Variants in MVB12B observed in about 807,000 individuals in gnomAD.
MVB12B encodes multivesicular body subunit 12B.
A neutral mutation model predicts 41.6 loss-of-function variants in MVB12B; 16 were observed. The observed-to-expected ratio is 0.38, with a 90% confidence interval of 0.26 to 0.58. MVB12B has a LOEUF of 0.58. Among genes scored for constraint, MVB12B ranks in the 20% least tolerant of loss-of-function variants. The pLI is 0.62. For synonymous variants in MVB12B, 133 were observed against 139.7 expected (o/e 0.95, Z 0.34); for missense variants, 274 against 380.2 (o/e 0.72, Z 2.32).
At position 126,381,187 on chromosome 9, in the gene MVB12B, G is replaced by T; in HGVS notation, c.312+16G>T. 6.4e-7 allele frequency: 1 copy of T among 1,561,960 alleles called. No individual in the cohort carries two copies. On this transcript the variant is annotated intron_variant, in intron 3 of 9. Transcript: ENST00000361171. ...CAAAGAAAATGTAAGTCTAGTCGTAGTTTCCATTTGCTGAGTGAGCACAAG... is the reference window on the plus strand; with the variant it reads ...CAAAGAAAATGTAAGTCTAGTCGTATTTTCCATTTGCTGAGTGAGCACAAG...
intron 7 of MVB12B, among the ~76,000 whole-genome samples, chr9:126,450,534 A>G (rs1253310049): frequency 6.6e-6 from 1 of 152,164 alleles, no homozygotes; most frequent in Non-Finnish European, 1.5e-5. Context: ...GATTATTTAC[A>G]GGAAACTGCA....
At chr9:126,406,111 A>T (rs139527774) in intron 6 of MVB12B, among the ~76,000 whole-genome samples, 3 of 151,884 alleles carry the variant, frequency 2.0e-5, no homozygotes, top group African/African-American at 4.8e-5. Flanking sequence ...GAGAAGACTG[A>T]AGCTTGGAGA....
chr9:126,400,182 G>A (rs184514561), intron 6 of MVB12B, among the ~76,000 whole-genome samples: 121 of 152,330 alleles, frequency 7.9e-4, no homozygotes, highest in Non-Finnish European at 1.2e-3. Context: ...AGACAGGCCA[G>A]CCTGCTGCAG....
intron 2 of MVB12B, among the ~76,000 whole-genome samples, chr9:126,375,896 C>G (rs1332801195): frequency 6.6e-6 from 1 of 152,116 alleles, no homozygotes; most frequent in Admixed American, 6.6e-5. Context: ...CGTTATTTTT[C>G]TCTGCAAGTG....
At position 126,376,830 on chromosome 9, in the gene MVB12B, G is replaced by A. The variant is rs1242637083; in HGVS notation, c.205-4234G>A. The stretch of plus-strand genomic sequence containing the variant: ...TGCAGAAGATACACCTGAAACTGGG[G>A]TGGGCACCTGGGAGTCTAACCACTT... On this transcript the variant is annotated intron_variant, in intron 2 of 9. Coordinates refer to ENST00000361171, the MANE Select transcript of MVB12B (RefSeq NM_033446.3). The surrounding 1 kb of genome is among the most constrained non-coding windows in gnomAD (Gnocchi z 4.1). Among the ~76,000 whole-genome samples the A allele has an allele frequency of 2.0e-5, 3 of 152,128 alleles. No individual in the cohort carries two copies. Among genetic ancestry groups the A allele is most frequent in the African/African-American group, 7.2e-5 (3 of 41,428 alleles).
intron 3 of MVB12B, among the ~76,000 whole-genome samples, chr9:126,383,915 A>G (rs1830701314): frequency 6.6e-6 from 1 of 151,512 alleles, no homozygotes; most frequent in Non-Finnish European, 1.5e-5. Context: ...ACATTGGTAG[A>G]GTGTGTGGAG....
intron 3 of MVB12B, among the ~76,000 whole-genome samples, chr9:126,381,645 G>C (rs1006768984): frequency 6.6e-6 from 1 of 151,502 alleles, no homozygotes; most frequent in African/African-American, 2.4e-5. Context: ...TTGTAGGTAA[G>C]TATTGACTCA....
chr9:126,402,098 A>G (rs974765816), intron 6 of MVB12B, among the ~76,000 whole-genome samples: 6 of 152,184 alleles, frequency 3.9e-5, no homozygotes, highest in African/African-American at 7.2e-5. Context: ...GCCTGTGAGA[A>G]GTTTCTCCCT....
At chr9:126,417,615 G>C (rs1351381187) in intron 6 of MVB12B, among the ~76,000 whole-genome samples, 1 of 152,194 alleles carries the variant, frequency 6.6e-6, no homozygotes. Flanking sequence ...TACAACACTT[G>C]ATTTGGTCAA....
intron 7 of MVB12B, among the ~76,000 whole-genome samples, chr9:126,431,885 A>G (rs1420885940): frequency 6.6e-6 from 1 of 152,162 alleles, no homozygotes; most frequent in Non-Finnish European, 1.5e-5. Flanking sequence ...TGAACATAGC[A>G]ATAGGTCGGC....
chr9:126,383,274 C>A (rs912951053), intron 3 of MVB12B, among the ~76,000 whole-genome samples: 1 of 152,258 alleles, frequency 6.6e-6, no homozygotes, highest in East Asian at 1.9e-4. Flanking sequence ...ACTTGAGACT[C>A]CCAATGTAGG....
chr9:126,383,150 C>T (rs953481099), intron 3 of MVB12B, among the ~76,000 whole-genome samples: 2 of 152,202 alleles, frequency 1.3e-5, no homozygotes, highest in Non-Finnish European at 2.9e-5. Context: ...TAATCTGTTA[C>T]AGCCAGTCTA....
At chr9:126,470,483 A>G (rs1833287902) in intron 7 of MVB12B, among the ~76,000 whole-genome samples, 1 of 152,104 alleles carries the variant, frequency 6.6e-6, no homozygotes, top group Non-Finnish European at 1.5e-5. Flanking sequence ...GCAGCCCAGC[A>G]CTGCACCCTG....
intron 7 of MVB12B, among the ~76,000 whole-genome samples, chr9:126,428,118 A>G (rs1380945005): frequency 6.6e-6 from 1 of 152,180 alleles, no homozygotes; most frequent in African/African-American, 2.4e-5. Flanking sequence ...AGTTTGGATC[A>G]TGGCCCCTTG....
chr9:126,422,676 C>A (rs1333648800), intron 7 of MVB12B, among the ~76,000 whole-genome samples: 1 of 152,158 alleles, frequency 6.6e-6, no homozygotes, highest in Non-Finnish European at 1.5e-5. Flanking sequence ...CCAGCACACA[C>A]CCTTAATGGT....
chr9:126,395,879 T>C lies in MVB12B; in HGVS notation c.662+182T>C, dbSNP rs188608881. On this transcript the variant is annotated intron_variant, in intron 6 of 9. Transcript: ENST00000361171. The surrounding 1 kb of genome is among the most constrained non-coding windows in gnomAD (Gnocchi z 4.9). Reference sequence around the variant, plus strand: ...CTTGGAAATCTTTGCATTACATGAATGCAAAGGCCATTCTATAGTCTATTT... The same window carrying C: ...CTTGGAAATCTTTGCATTACATGAACGCAAAGGCCATTCTATAGTCTATTT... 18 of 1,420,686 alleles carry C rather than the reference T, an allele frequency of 1.3e-5. No individual in the cohort carries two copies. The African/African-American group carries it at 2.4e-4, about 19-fold the overall frequency. 88.0% of individuals were successfully genotyped at this position (1,420,686 alleles called of 1,614,324 possible). A position where few individuals can be genotyped will look rare whatever the true frequency, so the allele number is the denominator to read the frequency against.
intron 6 of MVB12B, among the ~76,000 whole-genome samples, chr9:126,414,160 A>G (rs1217197826): frequency 6.6e-6 from 1 of 152,234 alleles, no homozygotes; most frequent in Non-Finnish European, 1.5e-5. Flanking sequence ...AATAAAATAT[A>G]TTCTATAACT....
At position 126,410,703 on chromosome 9, in the gene MVB12B, T is replaced by A. The variant is rs1831620241; in HGVS notation, c.663-11151T>A. Among the ~76,000 whole-genome samples, 3 of 152,024 alleles carry A rather than the reference T, an allele frequency of 2.0e-5. No homozygotes were observed. The South Asian group carries it at 6.2e-4, about 31-fold the overall frequency. ...GTTGCCCATCCTTGGCTTTGTGACA[T>A]CTCTTGGGCCACTGTCTAGACTCTT... On this transcript the variant is annotated intron_variant, in intron 6 of 9. Transcript: ENST00000361171.
chr9:126,438,614 C>T (rs1195333737), intron 7 of MVB12B, among the ~76,000 whole-genome samples: 1 of 152,122 alleles, frequency 6.6e-6, no homozygotes, highest in Non-Finnish European at 1.5e-5. Context: ...AGTACTCAGC[C>T]GACTCACTCC....
Sources: gnomAD v4.1 joint callset for allele counts (sites outside exome capture counted in the v4.1 genomes callset) on GRCh38, gnomAD v4.1.1 for gene constraint, Gnocchi (gnomAD v3.1) non-coding constraint, MANE v1.5 for transcripts, NCBI Gene and HGNC (gene_info 2026-07-23, HGNC 2026-07-21) for gene names.